ATP11B: variants seen among roughly 807,000 people sequenced by gnomAD.
ATP11B encodes the protein phospholipid-transporting ATPase IF.
Under a neutral mutation model 157.8 loss-of-function variants are expected in ATP11B, and 81 were observed. That is an observed-to-expected ratio of 0.51 (90% CI 0.43 to 0.62). ATP11B has a LOEUF of 0.62. ATP11B is among the 20% of genes least tolerant of loss of function. The probability of loss-of-function intolerance (pLI) is 0.00; values close to 1 mark genes in which losing one functional copy is unlikely to be tolerated. For synonymous variants in ATP11B, 451 were observed against 469.4 expected (o/e 0.96, Z 0.51); for missense variants, 1,165 against 1,402.2 (o/e 0.83, Z 2.70).
chr3:182,859,427 A>G (rs1720664591), intron 12 of ATP11B, 68 bp downstream of exon 12: 1 of 1,350,774 alleles, frequency 7.4e-7, no homozygotes, highest in African/African-American at 1.5e-5. Flanking sequence ...ATGGACAAAG[A>G]TTAATGTAAC....
At chr3:182,898,808 A>G in intron 28 of ATP11B, 36 bp downstream of exon 28, 3 of 1,346,904 alleles carry the variant, frequency 2.2e-6, no homozygotes, top group African/African-American at 3.0e-5. Context: ...ATATCTTTTT[A>G]GTTAGGGATC....
At chr3:182,848,624 A>G (rs34808782) in intron 10 of ATP11B, 67 bp downstream of exon 10, 14 of 708,360 alleles carry the variant, frequency 2.0e-5, no homozygotes, top group African/African-American at 5.7e-5. Context: ...GTTTGGTATA[A>G]AATATTATAT....
chr3:182,858,690 G>A (rs1357776814), intron 11 of ATP11B, among the ~76,000 whole-genome samples: 1 of 152,092 alleles, frequency 6.6e-6, no homozygotes, highest in Non-Finnish European at 1.5e-5. Flanking sequence ...CGTTAAAGTA[G>A]GCTATTCCTA....
chr3:182,842,304 T>C (rs1719112086), intron 8 of ATP11B, among the ~76,000 whole-genome samples, 182 bp downstream of exon 8: 1 of 152,190 alleles, frequency 6.6e-6, no homozygotes, highest in South Asian at 2.1e-4. Flanking sequence ...TTCAGAATCA[T>C]TCAGTGCAAG....
intron 29 of ATP11B, chr3:182,916,641 AAAGT>A: frequency 2.0e-6 from 2 of 983,878 alleles, no homozygotes; most frequent in Non-Finnish European, 2.4e-6. Context: ...TTCTAAATAG[AAAGT>A]AATATGTAGT....
Position 182,878,671 on chromosome 3 carries a change from G to T in ATP11B, c.2253-825G>T, listed in dbSNP as rs1722214541. The stretch of plus-strand genomic sequence containing the variant: ...TACGTAGCATATGCCCACATGTGAG[G>T]TGTTATCCATGTTCTACCATAGTAA... On this transcript the variant is annotated intron_variant, in intron 19 of 29. Transcript: ENST00000323116. Among the ~76,000 whole-genome samples the T allele has an allele frequency of 3.9e-5, 6 of 152,298 alleles. No homozygotes were observed. The South Asian group carries it at 1.2e-3, about 32-fold the overall frequency.
At chr3:182,799,355 G>C (rs1293878685) in intron 1 of ATP11B, among the ~76,000 whole-genome samples, 1 of 150,878 alleles carries the variant, frequency 6.6e-6, no homozygotes, top group Non-Finnish European at 1.5e-5. Flanking sequence ...TCAGCTCACT[G>C]CAAGTTCGCC....
intron 9 of ATP11B, among the ~76,000 whole-genome samples, chr3:182,848,128 G>C (rs1375166986): frequency 6.6e-6 from 1 of 152,130 alleles, no homozygotes; most frequent in Non-Finnish European, 1.5e-5. Context: ...TTCCATATCT[G>C]TCTTTGTTAA....
At chr3:182,815,848 A>G (rs1177217510) in intron 1 of ATP11B, among the ~76,000 whole-genome samples, 2 of 152,124 alleles carry the variant, frequency 1.3e-5, no homozygotes, top group Non-Finnish European at 2.9e-5. Context: ...AATCTTTGGG[A>G]TTTTAAGATA....
At chr3:182,802,483 T>A (rs1350705941) in intron 1 of ATP11B, among the ~76,000 whole-genome samples, 5 of 152,140 alleles carry the variant, frequency 3.3e-5, no homozygotes, top group African/African-American at 1.2e-4. Context: ...CTCTCACTCT[T>A]TATTCACACT....
intron 2 of ATP11B, among the ~76,000 whole-genome samples, chr3:182,826,518 A>G (rs115730632): frequency 0.011 from 1,620 of 152,216 alleles, 31 homozygotes; most frequent in African/African-American, 0.037. Flanking sequence ...TTGACACACA[A>G]TTACCATCTC....
intron 1 of ATP11B, among the ~76,000 whole-genome samples, chr3:182,799,653 A>G (rs974268999): frequency 6.6e-6 from 1 of 152,190 alleles, no homozygotes; most frequent in Admixed American, 6.5e-5. Context: ...TTATTGTTTA[A>G]TTTTAATTTT....
At chr3:182,917,066 G>T in intron 29 of ATP11B, 4 of 985,260 alleles carry the variant, frequency 4.1e-6, no homozygotes, top group Non-Finnish European at 4.8e-6. Flanking sequence ...CTAGAAACTA[G>T]TCGAATTAAA....
intron 1 of ATP11B, among the ~76,000 whole-genome samples, chr3:182,809,927 T>C (rs1716548570): frequency 6.6e-6 from 1 of 152,182 alleles, no homozygotes; most frequent in African/African-American, 2.4e-5. Flanking sequence ...AAAAATCGAA[T>C]ACAGGAAAAT....
chr3:182,895,918 A>T (rs1374399504), intron 25 of ATP11B, among the ~76,000 whole-genome samples: 2 of 152,182 alleles, frequency 1.3e-5, no homozygotes, highest in East Asian at 3.8e-4. Flanking sequence ...TTTAGTGGTC[A>T]GGTGGTTAGG....
At chr3:182,866,177 C>A in intron 13 of ATP11B, 91 bp from the exon 14 acceptor site, 1 of 981,124 alleles carries the variant, frequency 1.0e-6, no homozygotes, top group Non-Finnish European at 1.4e-6. Context: ...TTGTAGCACT[C>A]TTGTTCTAGA....
At chr3:182,860,804 G>C (rs909023874) in intron 12 of ATP11B, among the ~76,000 whole-genome samples, 12 of 151,968 alleles carry the variant, frequency 7.9e-5, no homozygotes, top group African/African-American at 2.4e-4. Flanking sequence ...TCTCTGGATA[G>C]TTTTTTAAAA....
At chr3:182,849,210 T>G (rs1208444467) in intron 10 of ATP11B, among the ~76,000 whole-genome samples, 1 of 152,234 alleles carries the variant, frequency 6.6e-6, no homozygotes, top group Non-Finnish European at 1.5e-5. Context: ...ACTATACATG[T>G]GCAAGGGAGA....
intron 28 of ATP11B, among the ~76,000 whole-genome samples, chr3:182,904,005 C>G (rs534518993): frequency 5.2e-4 from 79 of 152,270 alleles, no homozygotes; most frequent in African/African-American, 1.9e-3. Context: ...CTGTAATACT[C>G]TAATAAAACA....
Sources: allele counts gnomAD v4.1 joint callset (sites outside exome capture counted in the v4.1 genomes callset), GRCh38; gene constraint gnomAD v4.1.1; transcripts MANE v1.5; gene names NCBI Gene and HGNC (gene_info 2026-07-23, HGNC 2026-07-21).